Variants in LMLN observed in about 807,000 individuals in gnomAD.
LMLN encodes the protein leishmanolysin like peptidase.
A neutral mutation model predicts 92.3 loss-of-function variants in LMLN; 70 were observed. The observed-to-expected ratio is 0.76, with a 90% CI of 0.63 to 0.92. LMLN has a LOEUF of 0.92. Ranked by LOEUF, LMLN falls within the 40% of genes least tolerant of loss-of-function variation. The probability of loss-of-function intolerance (pLI) is 0.00; values close to 1 mark genes in which losing one functional copy is unlikely to be tolerated. For synonymous variants in LMLN, 308 were observed against 296.2 expected, an observed-to-expected ratio of 1.04 and a Z score of -0.41; for missense variants, 691 against 814.6, an observed-to-expected ratio of 0.85 and a Z score of 1.85.
chr3:198,002,187 T>G (rs1012337376), intron 11 of LMLN, among the ~76,000 whole-genome samples: 4 of 152,196 alleles, frequency 2.6e-5, no homozygotes, highest in Non-Finnish European at 5.9e-5. Context: ...GGTCTCACTC[T>G]ATTTCCCAGG....
Position 198,024,683 on chromosome 3 carries a change from A to G in LMLN, c.1551A>G (p.Glu517=), listed in dbSNP as rs200500524. ...AAATTTTTAAGAACTATGGCGCTGAAAAGTATGGACCTCATTCCGTTTGTC... is the reference window on the plus strand; with the variant it reads ...AAATTTTTAAGAACTATGGCGCTGAGAAGTATGGACCTCATTCCGTTTGTC... Residue 517 remains glutamate (E), a synonymous_variant, in exon 14 of 16, where the codon GAA becomes GAG. Transcript: ENST00000330198. 36 of 1,597,446 alleles carry G rather than the reference A, an allele frequency of 2.3e-5. No individual in the cohort carries two copies. In the East Asian group the frequency reaches 7.7e-4, roughly 34 times the overall value.
chr3:197,966,225 T>A (rs1319478690), intron 1 of LMLN, among the ~76,000 whole-genome samples: 1 of 152,106 alleles, frequency 6.6e-6, no homozygotes, highest in African/African-American at 2.4e-5. Flanking sequence ...GTATTTTTAG[T>A]AGAGACAAGT....
chr3:197,985,336 G>T lies in LMLN; in HGVS notation c.835-460G>T, dbSNP rs191837289. On this transcript the variant is annotated intron_variant, in intron 7 of 15. Coordinates refer to ENST00000330198, the Ensembl canonical transcript of LMLN. ...TGGGAGGATTCTTCTATATATATAA[G>T]AAGGCCAAAATAACTTTAAAACGCA... Among the ~76,000 whole-genome samples, 55 of 149,476 alleles carry T rather than the reference G, an allele frequency of 3.7e-4. 1 individual carries two copies. In the East Asian group the frequency reaches 0.011, roughly 30 times the overall value.
chr3:197,983,752 A>G (rs1165046328), intron 6 of LMLN, among the ~76,000 whole-genome samples, 191 bp from the exon 7 acceptor site: 1 of 151,988 alleles, frequency 6.6e-6, no homozygotes, highest in Non-Finnish European at 1.5e-5. Context: ...TTTTGTGGAA[A>G]CAGGGGTTGA....
chr3:198,003,174 G>T, intron 11 of LMLN, 49 bp downstream of exon 12: 1 of 1,105,136 alleles, frequency 9.0e-7, no homozygotes, highest in South Asian at 1.4e-5. Context: ...GTTCCTTTCT[G>T]ACTTTATTCT....
At chr3:198,038,618 G>A in exon 16 of LMLN, 1 of 1,614,112 alleles carries the variant, frequency 6.2e-7, no homozygotes, top group Non-Finnish European at 8.5e-7. Context: ...CTTCTGCTAG[G>A]CAATCTGTTT....
At chr3:197,962,521 G>A (rs912348287) in intron 1 of LMLN, among the ~76,000 whole-genome samples, 3 of 152,136 alleles carry the variant, frequency 2.0e-5, no homozygotes, top group African/African-American at 7.2e-5. Context: ...TGGGTCAAGG[G>A]TAGGTGAATG....
rs536974381 is a variant in LMLN at position 198,001,228 on chromosome 3, A to G, written c.1232+1886A>G. On this transcript the variant is annotated intron_variant, in intron 11 of 15. Coordinates refer to ENST00000330198, the Ensembl canonical transcript of LMLN. ...TAGTATCTGTCTTCCCTACTAGATT[A>G]TGATCTTCATGAGAGCAGGTTCTGT... Among the ~76,000 whole-genome samples, 3 of 152,354 alleles carry G rather than the reference A, an allele frequency of 2.0e-5. No individual in the cohort carries two copies. In the South Asian group the frequency reaches 6.2e-4, roughly 32 times the overall value.
exon 16 of LMLN, chr3:198,038,612 T>C: frequency 6.2e-7 from 1 of 1,614,242 alleles, no homozygotes; most frequent in Non-Finnish European, 8.5e-7. Flanking sequence ...CTCTGGCTTC[T>C]GCTAGGCAAT....
intron 9 of LMLN, among the ~76,000 whole-genome samples, chr3:197,991,548 G>C (rs945279075): frequency 1.1e-4 from 17 of 152,084 alleles, no homozygotes; most frequent in African/African-American, 4.1e-4. Context: ...ATTCAGGGGA[G>C]GTCAGTCTTT....
intron 6 of LMLN, among the ~76,000 whole-genome samples, chr3:197,980,960 A>G (rs1290745467): frequency 6.6e-6 from 1 of 152,026 alleles, no homozygotes; most frequent in Non-Finnish European, 1.5e-5. Flanking sequence ...AAAATTGGCC[A>G]GGTGTGGTGG....
At chr3:198,043,123 G>A (rs1454792607) in exon 16 of LMLN, 1 of 152,192 alleles carries the variant, frequency 6.6e-6, no homozygotes, top group East Asian at 1.9e-4. Context: ...TCATAAAGTT[G>A]TATCAATGTT....
chr3:198,034,194 A>G (rs1723149949), intron 14 of LMLN, among the ~76,000 whole-genome samples: 1 of 152,244 alleles, frequency 6.6e-6, no homozygotes, highest in Admixed American at 6.5e-5. Context: ...AGACAGGTTC[A>G]GAAGCATGCA....
chr3:197,990,688 C>A lies in LMLN; in HGVS notation c.1047+12C>A. The A allele has an allele frequency of 1.6e-6, 2 of 1,259,844 alleles. No individual in the cohort carries two copies. Among genetic ancestry groups the A allele is most frequent in the Non-Finnish European group, 1.2e-6 (1 of 857,854 alleles). The allele number at this position is 1,259,844 out of a possible 1,614,324, so 78.0% of individuals were successfully genotyped here. ...CGCCTCGTGTTGTTGTAAGTATTAT[C>A]AGACTTCATGTCTCATGAGCCATCT... On this transcript the variant is annotated intron_variant, in intron 9 of 15. Transcript: ENST00000330198.
intron 1 of LMLN, among the ~76,000 whole-genome samples, chr3:197,963,203 T>C (rs996947472): frequency 1.0e-4 from 15 of 148,984 alleles, no homozygotes; most frequent in South Asian, 4.2e-4. Flanking sequence ...TTCTCTCTCT[T>C]TTTTTTTTTT....
intron 14 of LMLN, among the ~76,000 whole-genome samples, chr3:198,034,758 G>C (rs1723166484): frequency 6.6e-6 from 1 of 152,170 alleles, no homozygotes; most frequent in Non-Finnish European, 1.5e-5. Context: ...TAAAGATAAG[G>C]TCTGGATAAA....
chr3:198,028,209 C>T (rs530697355), intron 14 of LMLN, among the ~76,000 whole-genome samples: 4 of 151,894 alleles, frequency 2.6e-5, no homozygotes, highest in East Asian at 1.9e-4. Flanking sequence ...TTCAATGAAC[C>T]GACATCATCA....
At chr3:197,981,257 A>C (rs1301741936) in intron 6 of LMLN, among the ~76,000 whole-genome samples, 2 of 152,062 alleles carry the variant, frequency 1.3e-5, no homozygotes, top group African/African-American at 4.8e-5. Context: ...CGGTAGTCCC[A>C]GCTGCTCAGG....
At chr3:198,038,759 G>A (rs1723306679) in exon 16 of LMLN, 1 of 940,508 alleles carries the variant, frequency 1.1e-6, no homozygotes. Context: ...TATGCAGATG[G>A]TAGAAGTGGC....
Sources: gnomAD v4.1 joint callset for allele counts (sites outside exome capture counted in the v4.1 genomes callset) on GRCh38, gnomAD v4.1.1 for gene constraint, MANE v1.5 for transcripts, NCBI Gene and HGNC (gene_info 2026-07-23, HGNC 2026-07-21) for gene names.